DMXL2: variants seen among roughly 807,000 people sequenced by gnomAD.
DMXL2 encodes the protein dmX-like protein 2.
DMXL2 carries 103 observed loss-of-function variants against 331.1 expected under a neutral mutation model. The ratio of observed to expected loss-of-function variants is 0.31; its 90% CI spans 0.27 to 0.37. The LOEUF is 0.37. Among genes scored for constraint, DMXL2 ranks in the 10% least tolerant of loss-of-function variants. The probability of loss-of-function intolerance (pLI) is 1.00; values close to 1 mark genes in which losing one functional copy is unlikely to be tolerated. For missense variants in DMXL2, 3,171 were observed against 3,642.9 expected, an observed-to-expected ratio of 0.87 and a Z score of 3.33; for synonymous variants, 1,281 against 1,252.1, an observed-to-expected ratio of 1.02 and a Z score of -0.49.
In DMXL2 at chr15:51,500,056, A is replaced by T; in HGVS notation, c.3168T>A (p.Asp1056Glu). The T allele has an allele frequency of 6.2e-7, 1 of 1,614,168 alleles. No individual in the cohort carries two copies. Among genetic ancestry groups the T allele is most frequent in the African/African-American group, 1.3e-5 (1 of 75,046 alleles). ...CTGTACTGCTATTATCTTCTCCTTCATCATTCATCAAAGGCCATCTCTTCC... is the reference window on the plus strand; with the variant it reads ...CTGTACTGCTATTATCTTCTCCTTCTTCATTCATCAAAGGCCATCTCTTCC... ...YHWKRWPLMN[D>E]EGEDNSSTVS... is the part of the protein sequence containing the mutation. The change falls in exon 18 of 44, where the codon GAT becomes GAA. Residue 1056 changes from aspartate to glutamate, a missense_variant. Coordinates refer to ENST00000560891, the MANE Select transcript of DMXL2 (RefSeq NM_001378457.1).
chr15:51,605,655 C>T lies in DMXL2; in HGVS notation c.87+16804G>A, dbSNP rs1338062326. On this transcript the variant is annotated intron_variant, in intron 1 of 43. Transcript: ENST00000560891. ...GCTTCCCGGGTTCACGCCATTCTCC[C>T]GCCTCAGCCTCCCCAGTAGCTGGGA... Among the ~76,000 whole-genome samples, 7 of 96,520 alleles carry T rather than the reference C, an allele frequency of 7.3e-5. 1 individual carries two copies. The highest frequency in any genetic ancestry group is 2.4e-4 in the African/African-American group (7 of 29,054). 63.3% of individuals were successfully genotyped at this position (96,520 alleles called of 152,430 possible).
At chr15:51,483,412 A>G (rs2042159665) in intron 23 of DMXL2, among the ~76,000 whole-genome samples, 1 of 152,198 alleles carries the variant, frequency 6.6e-6, no homozygotes, top group South Asian at 2.1e-4. Context: ...GCCTAGGACC[A>G]TGACTGGCTA....
At position 51,545,581 on chromosome 15, in the gene DMXL2, A is replaced by T. The variant is rs567209869; in HGVS notation, c.930+2T>A. On this transcript the variant is annotated splice_donor_variant, in intron 8 of 43. Coordinates refer to ENST00000560891, the MANE Select transcript of DMXL2 (RefSeq NM_001378457.1). LOFTEE classifies it high-confidence loss of function. Reference sequence around the variant, plus strand: ...CATTTACCATTTTAAATAATATAATACCTCAAGAGCATGCTGTATTCTGTC... The same window carrying T: ...CATTTACCATTTTAAATAATATAATTCCTCAAGAGCATGCTGTATTCTGTC... 6.2e-7 allele frequency: 1 copy of T among 1,608,318 alleles called. No individual in the cohort carries two copies. The highest frequency in any genetic ancestry group is 8.5e-7 in the Non-Finnish European group (1 of 1,177,322).
At chr15:51,622,308 G>A (rs958347304) in intron 1 of DMXL2, 151 bp downstream of exon 1, 1 of 987,852 alleles carries the variant, frequency 1.0e-6, no homozygotes, top group Non-Finnish European at 1.5e-6. Context: ...GGGTCCCAGG[G>A]GGAACTAAAC....
intron 31 of DMXL2, 130 bp from the exon 32 acceptor site, chr15:51,465,006 TAC>T: frequency 1.2e-6 from 1 of 834,854 alleles, no homozygotes; most frequent in East Asian, 2.7e-5. Context: ...GTTAATGTAA[TAC>T]AGTTTAGATT....
rs547410288 is a variant in DMXL2 at position 51,535,094 on chromosome 15, G to T, written c.2436+569C>A. On this transcript the variant is annotated intron_variant, in intron 13 of 43. Transcript: ENST00000560891. Reference sequence around the variant, plus strand: ...AGAACATAGTAGATGCTCAAAAATAGTCATTGGTTTTCAATACTGGAAACA... The same window carrying T: ...AGAACATAGTAGATGCTCAAAAATATTCATTGGTTTTCAATACTGGAAACA... Among the ~76,000 whole-genome samples the T allele has an allele frequency of 1.3e-4, 20 of 152,164 alleles. No homozygotes were observed. In the South Asian group the frequency reaches 3.3e-3, roughly 25 times the overall value.
intron 6 of DMXL2, among the ~76,000 whole-genome samples, chr15:51,559,859 T>C (rs562086743): frequency 2.0e-5 from 3 of 152,356 alleles, no homozygotes; most frequent in South Asian, 2.1e-4. Flanking sequence ...TGTAAATTAG[T>C]ATATCAACTT....
chr15:51,587,174 T>A (rs1010297808), intron 1 of DMXL2, among the ~76,000 whole-genome samples: 3 of 152,226 alleles, frequency 2.0e-5, no homozygotes. Flanking sequence ...TAAAAATAAC[T>A]TTTTTTATTA....
At chr15:51,591,946 T>C (rs892932661) in intron 1 of DMXL2, among the ~76,000 whole-genome samples, 2 of 151,998 alleles carry the variant, frequency 1.3e-5, no homozygotes, top group African/African-American at 4.8e-5. Flanking sequence ...CAAAGGTAGA[T>C]AAAACCACAA....
chr15:51,549,880 A>C (rs2140957685), intron 6 of DMXL2, among the ~76,000 whole-genome samples: 1 of 152,142 alleles, frequency 6.6e-6, no homozygotes, highest in African/African-American at 2.4e-5. Flanking sequence ...AGATGTATAG[A>C]TCATGAAGAT....
intron 13 of DMXL2, among the ~76,000 whole-genome samples, chr15:51,532,795 G>A (rs772441785): frequency 6.6e-6 from 1 of 152,088 alleles, no homozygotes; most frequent in Non-Finnish European, 1.5e-5. Flanking sequence ...TATTCAACAT[G>A]GAGTTGGAAG....
intron 16 of DMXL2, among the ~76,000 whole-genome samples, chr15:51,505,228 T>G (rs754833023): frequency 6.6e-6 from 1 of 152,210 alleles, no homozygotes; most frequent in East Asian, 1.9e-4. Context: ...CAGCAAAGAT[T>G]AGAACAAAAA....
intron 17 of DMXL2, 136 bp downstream of exon 17, chr15:51,502,667 TATC>T: frequency 6.1e-6 from 4 of 655,912 alleles, no homozygotes; most frequent in Non-Finnish European, 1.1e-5. Context: ...CATCTAGACA[TATC>T]ATTAATAGAA....
At position 51,492,959 on chromosome 15, in the gene DMXL2, T is replaced by C. The variant is rs551860807; in HGVS notation, c.4784-1212A>G. On this transcript the variant is annotated intron_variant, in intron 19 of 43. Transcript: ENST00000560891. ...TTCACTGTAATTTCTTTAGAAAGTATAAAATAAAAACTATTATGATTATTT... is the reference window on the plus strand; with the variant it reads ...TTCACTGTAATTTCTTTAGAAAGTACAAAATAAAAACTATTATGATTATTT... 3.3e-5 allele frequency among the ~76,000 whole-genome samples: 5 copies of C among 152,298 alleles called. No individual in the cohort carries two copies. In the East Asian group the frequency reaches 7.7e-4, roughly 23 times the overall value.
At chr15:51,495,947 G>A (rs2043145492) in intron 18 of DMXL2, among the ~76,000 whole-genome samples, 1 of 151,924 alleles carries the variant, frequency 6.6e-6, no homozygotes, top group African/African-American at 2.4e-5. Flanking sequence ...TAGATAGATA[G>A]CTATTAGGTT....
intron 1 of DMXL2, among the ~76,000 whole-genome samples, chr15:51,615,867 A>G (rs544937790): frequency 6.6e-6 from 1 of 152,322 alleles, no homozygotes; most frequent in Admixed American, 6.5e-5. Flanking sequence ...GATGAGCTAC[A>G]TATATCTGTG....
intron 10 of DMXL2, among the ~76,000 whole-genome samples, chr15:51,537,963 A>T (rs1482602799): frequency 6.6e-6 from 1 of 152,190 alleles, no homozygotes; most frequent in East Asian, 1.9e-4. Context: ...TCACCCTATC[A>T]TTATTACTAC....
chr15:51,554,431 C>T (rs758565129), intron 6 of DMXL2, among the ~76,000 whole-genome samples: 2 of 152,054 alleles, frequency 1.3e-5, no homozygotes, highest in Middle Eastern at 3.4e-3. Flanking sequence ...ACATGAATTA[C>T]GTAAAATAAA....
intron 13 of DMXL2, among the ~76,000 whole-genome samples, chr15:51,519,870 T>C (rs2047255963): frequency 6.6e-6 from 1 of 152,094 alleles, no homozygotes; most frequent in Admixed American, 6.5e-5. Context: ...CTTGAACTCC[T>C]GACCTCACGT....
Sources: allele counts gnomAD v4.1 joint callset (sites outside exome capture counted in the v4.1 genomes callset), GRCh38; gene constraint gnomAD v4.1.1; transcripts MANE v1.5; gene names NCBI Gene and HGNC (gene_info 2026-07-23, HGNC 2026-07-21).